The following MIPEP variants were observed in gnomAD, a reference collection of about 807,000 sequenced individuals.
The protein encoded by MIPEP is mitochondrial intermediate peptidase.
In MIPEP, 79 loss-of-function variants were observed where a neutral mutation model predicts 90.3. The ratio of observed to expected loss-of-function variants is 0.87; its 90% CI spans 0.73 to 1.05. MIPEP has a LOEUF of 1.05. MIPEP is among the 50% of genes least tolerant of loss of function. The pLI, the probability that MIPEP is intolerant of heterozygous loss-of-function variation, is 0.00. For missense variants in MIPEP, 940 were observed against 905.6 expected, an observed-to-expected ratio of 1.04 and a Z score of -0.49; for synonymous variants, 334 against 315.8, an observed-to-expected ratio of 1.06 and a Z score of -0.61.
intron 10 of MIPEP, among the ~76,000 whole-genome samples, chr13:23,847,061 T>C (rs1001455693): frequency 1.3e-5 from 2 of 152,134 alleles, no homozygotes; most frequent in African/African-American, 2.4e-5. Context: ...AACTGCATGA[T>C]AACAGCATGG....
chr13:23,888,966 T>G lies in MIPEP; in HGVS notation c.189+166A>C, dbSNP rs114117406. ...TAAACCCGGCCCCTCAAAGCAGAGG[T>G]GACCTTGCCCTCATCGAGAGCGCAC... On this transcript the variant is annotated intron_variant, in intron 1 of 18. Transcript: ENST00000382172. The G allele has an allele frequency of 1.5e-3, 974 of 633,256 alleles. 10 individuals carry two copies. In the African/African-American group the frequency reaches 0.016, roughly 10 times the overall value. 39.2% of individuals were successfully genotyped at this position (633,256 alleles called of 1,614,324 possible). A position where few individuals can be genotyped will look rare whatever the true frequency, so the allele number is the denominator to read the frequency against.
At chr13:23,850,114 G>T (rs971924252) in intron 10 of MIPEP, among the ~76,000 whole-genome samples, 1 of 152,218 alleles carries the variant, frequency 6.6e-6, no homozygotes, top group African/African-American at 2.4e-5. Context: ...CGGAGGGCAC[G>T]TGTGGGCGAG....
At chr13:23,832,473 A>G (rs989897362) in intron 14 of MIPEP, among the ~76,000 whole-genome samples, 1 of 152,214 alleles carries the variant, frequency 6.6e-6, no homozygotes, top group African/African-American at 2.4e-5. Flanking sequence ...TCCCACTTTC[A>G]GAGAATGATC....
intron 16 of MIPEP, among the ~76,000 whole-genome samples, chr13:23,782,977 C>CA (rs909918897): frequency 5.9e-5 from 9 of 151,872 alleles, no homozygotes; most frequent in Non-Finnish European, 1.0e-4. Context: ...GCCTACCAAC[C>CA]AAAAAAAATC....
At chr13:23,747,874 G>A (rs1952400923) in intron 18 of MIPEP, among the ~76,000 whole-genome samples, 1 of 152,168 alleles carries the variant, frequency 6.6e-6, no homozygotes, top group Admixed American at 6.5e-5. Flanking sequence ...CTGACTAGCT[G>A]GGACTACCGG....
intron 14 of MIPEP, among the ~76,000 whole-genome samples, chr13:23,819,116 T>A (rs1232281637): frequency 1.3e-5 from 2 of 152,242 alleles, no homozygotes; most frequent in African/African-American, 2.4e-5. Flanking sequence ...TTTCTTTTAA[T>A]TCAACATCCA....
chr13:23,749,950 C>T (rs958208826), intron 18 of MIPEP, among the ~76,000 whole-genome samples: 5 of 152,132 alleles, frequency 3.3e-5, no homozygotes, highest in South Asian at 4.2e-4. Context: ...ATCTCACCTC[C>T]GTGCCCCTCC....
At chr13:23,774,010 T>C (rs1952683504) in intron 16 of MIPEP, among the ~76,000 whole-genome samples, 1 of 152,230 alleles carries the variant, frequency 6.6e-6, no homozygotes, top group African/African-American at 2.4e-5. Flanking sequence ...TCCAAGGTCA[T>C]AAATGTGTAT....
At chr13:23,859,338 T>C (rs1398738123) in intron 9 of MIPEP, among the ~76,000 whole-genome samples, 1 of 152,336 alleles carries the variant, frequency 6.6e-6, no homozygotes, top group East Asian at 1.9e-4. Context: ...TTTGGGTAGA[T>C]ATCAAAAATG....
Position 23,886,359 on chromosome 13 carries a change from C to T in MIPEP, c.337G>A (p.Asp113Asn). Reference sequence around the variant, plus strand: ...AAGTCGGCCACTCTGCATAAGGAATCCGAGAGCTCATCGAAGATCAGCACG... The same window carrying T: ...AAGTCGGCCACTCTGCATAAGGAATTCGAGAGCTCATCGAAGATCAGCACG... The part of the protein sequence containing the change: ...QTVLIFDELS[D>N]SLCRVADLAD... Residue 113 changes from aspartate to asparagine, a missense_variant, in exon 2 of 19, where the codon GAT becomes AAT. By Grantham distance (23) the Asp-to-Asn change is conservative. Coordinates refer to ENST00000382172, the MANE Select transcript of MIPEP (RefSeq NM_005932.4). 6.3e-7 allele frequency: 1 copy of T among 1,594,394 alleles called. No individual in the cohort carries two copies. Among genetic ancestry groups the T allele is most frequent in the South Asian group, 1.1e-5 (1 of 88,412 alleles).
intron 14 of MIPEP, among the ~76,000 whole-genome samples, chr13:23,827,804 CGCTGTAATCCCAGCTACTCAGGAG>C (rs907907718): frequency 6.6e-6 from 1 of 152,100 alleles, no homozygotes; most frequent in African/African-American, 2.4e-5. Flanking sequence ...TGGTGGCACA[CGCTGTAATCCCAGCTACTCAGGAG>C]GCTGAGGCGG....
chr13:23,840,004 C>T (rs901988789), intron 11 of MIPEP, among the ~76,000 whole-genome samples: 5 of 152,220 alleles, frequency 3.3e-5, no homozygotes, highest in African/African-American at 1.2e-4. Flanking sequence ...AATACCTTTA[C>T]TAACCACCCA....
chr13:23,812,277 C>T (rs1953181705), intron 14 of MIPEP, among the ~76,000 whole-genome samples: 1 of 151,954 alleles, frequency 6.6e-6, no homozygotes, highest in Admixed American at 6.6e-5. Flanking sequence ...TGAGATTTGC[C>T]AAATGAATAG....
At chr13:23,776,168 A>C (rs1952714118) in intron 16 of MIPEP, among the ~76,000 whole-genome samples, 1 of 151,968 alleles carries the variant, frequency 6.6e-6, no homozygotes, top group Non-Finnish European at 1.5e-5. Context: ...TCTGCTTACA[A>C]ACTTCAAACC....
At position 23,809,833 on chromosome 13, in the gene MIPEP, C is replaced by T. The variant is rs768502994; in HGVS notation, c.1728+17G>A. 3 of 1,570,780 alleles carry T rather than the reference C, an allele frequency of 1.9e-6. No homozygotes were observed. Among genetic ancestry groups the T allele is most frequent in the African/African-American group, 1.4e-5 (1 of 73,904 alleles). On this transcript the variant is annotated intron_variant, in intron 15 of 18. Coordinates refer to ENST00000382172, the MANE Select transcript of MIPEP (RefSeq NM_005932.4). ...ATAATGACTCCGGAAAACTTCAGAA[C>T]AAAGGTACATACATACCTGAAGTTG...
intron 10 of MIPEP, among the ~76,000 whole-genome samples, chr13:23,842,991 G>A (rs1024260103): frequency 6.6e-6 from 1 of 151,656 alleles, no homozygotes; most frequent in East Asian, 1.9e-4. Flanking sequence ...CCAGCTACTC[G>A]GGAGGCTGAG....
intron 4 of MIPEP, among the ~76,000 whole-genome samples, chr13:23,876,282 G>T (rs985680432): frequency 6.6e-6 from 1 of 152,162 alleles, no homozygotes; most frequent in Non-Finnish European, 1.5e-5. Flanking sequence ...CCTTAATGGT[G>T]GTGGGTCTCA....
chr13:23,821,403 C>T (rs1208081515), intron 14 of MIPEP, among the ~76,000 whole-genome samples: 1 of 151,878 alleles, frequency 6.6e-6, no homozygotes, highest in Non-Finnish European at 1.5e-5. Context: ...TTTTTTGTCA[C>T]TATAGAATCC....
intron 8 of MIPEP, among the ~76,000 whole-genome samples, 185 bp from the exon 9 acceptor site, chr13:23,862,547 C>T (rs1442464346): frequency 6.6e-6 from 1 of 152,134 alleles, no homozygotes; most frequent in Admixed American, 6.5e-5. Context: ...TATAAAGCAG[C>T]ATATTACTGC....
Sources: gnomAD v4.1 joint callset for allele counts (sites outside exome capture counted in the v4.1 genomes callset) on GRCh38, gnomAD v4.1.1 for gene constraint, MANE v1.5 for transcripts, NCBI Gene and HGNC (gene_info 2026-07-23, HGNC 2026-07-21) for gene names.